Variants in NLRC3 observed in about 807,000 individuals in gnomAD.
The protein encoded by NLRC3 is NLR family CARD domain containing 3, also known as NLR family CARD domain-containing protein 3.
In NLRC3, 87 loss-of-function variants were observed where a neutral mutation model predicts 91.6. The observed-to-expected ratio is 0.95, with a 90% confidence interval of 0.80 to 1.14. The LOEUF (loss-of-function observed/expected upper bound fraction) is 1.14. NLRC3 is among the 50% of genes most tolerant of loss of function. The pLI, the probability that NLRC3 is intolerant of heterozygous loss-of-function variation, is 0.00. For missense variants in NLRC3, 1,577 were observed against 1,418.6 expected (o/e 1.11, Z -1.79); for synonymous variants, 694 against 625.3 (o/e 1.11, Z -1.64).
Position 3,541,869 on chromosome 16 carries a change from CTG to C in NLRC3, c.3152_3153del (p.Ser1051Ter), listed in dbSNP as rs757505708. 42 of 1,612,878 alleles carry C rather than the reference CTG, an allele frequency of 2.6e-5. No homozygotes were observed. Among genetic ancestry groups the C allele is most frequent in the Non-Finnish European group, 3.6e-5 (42 of 1,179,322 alleles). Reference sequence around the variant, plus strand: ...GTGGGAGCATTTGTCTTGATGGCCTCTGAGATCATCCTGGCCCCGGAGTCCCC... The same window carrying C: ...GTGGGAGCATTTGTCTTGATGGCCTCAGATCATCCTGGCCCCGGAGTCCCC... ...HIGDSGARMI[S>X]EAIKTNAPTC... is the part of the protein sequence containing the mutation. On this transcript the variant is annotated frameshift_variant, in exon 20 of 20. Coordinates refer to ENST00000359128, the MANE Select transcript of NLRC3 (RefSeq NM_178844.4). LOFTEE classifies it high-confidence loss of function.
chr16:3,569,869 T>C (rs923239431), intron 1 of NLRC3, among the ~76,000 whole-genome samples: 1 of 152,182 alleles, frequency 6.6e-6, no homozygotes, highest in African/African-American at 2.4e-5. Flanking sequence ...AGTTTTCTTC[T>C]CCGATAGAGA....
chr16:3,557,536 C>T lies in NLRC3; in HGVS notation c.2099+57G>A, dbSNP rs79015694. The T allele has an allele frequency of 6.6e-5, 70 of 1,066,430 alleles. No homozygotes were observed. The African/African-American group carries it at 9.2e-4, about 14-fold the overall frequency. 66.1% of individuals were successfully genotyped at this position (1,066,430 alleles called of 1,614,324 possible). A position where few individuals can be genotyped will look rare whatever the true frequency, so the allele number is the denominator to read the frequency against. ...AGGAGGGAGGGGACTTCACAAGATGCCTCACAACTCTTCTGGTTCCAATGG... is the reference window on the plus strand; with the variant it reads ...AGGAGGGAGGGGACTTCACAAGATGTCTCACAACTCTTCTGGTTCCAATGG... On this transcript the variant is annotated intron_variant, in intron 7 of 19. Coordinates refer to ENST00000359128, the MANE Select transcript of NLRC3 (RefSeq NM_178844.4).
At chr16:3,559,278 G>A in intron 6 of NLRC3, among the ~76,000 whole-genome samples, 1 of 152,208 alleles carries the variant, frequency 6.6e-6, no homozygotes. Context: ...ATAGGGATGT[G>A]GCACTGAGGA....
Position 3,563,863 on chromosome 16 carries a change from C to T in NLRC3, c.1074G>A (p.Arg358=), listed in dbSNP as rs1441656602. 5.6e-6 allele frequency: 9 copies of T among 1,603,918 alleles called. No homozygotes were observed. Among genetic ancestry groups the T allele is most frequent in the Non-Finnish European group, 7.7e-6 (9 of 1,174,962 alleles). The change falls in exon 5 of 20, where the codon AGG becomes AGA. Residue 358 remains arginine (R), a synonymous_variant. Coordinates refer to ENST00000359128, the MANE Select transcript of NLRC3 (RefSeq NM_178844.4). ...ACCATGAGTAGAGCTCGCACAGGGT[C>T]CTCGGGGGCCACAGCTCTGCATCCT... The part of the protein sequence containing the change: ...GPQDAELWPP[R]TLCELYSWYF...
chr16:3,547,612 A>G (rs900711835), intron 15 of NLRC3, among the ~76,000 whole-genome samples: 3 of 152,072 alleles, frequency 2.0e-5, no homozygotes, highest in Non-Finnish European at 4.4e-5. Context: ...ATGTGTATAT[A>G]TGTATATGTG....
chr16:3,543,105 G>C (rs944399619), intron 17 of NLRC3: 1 of 486,562 alleles, frequency 2.1e-6, no homozygotes. Flanking sequence ...GAATTCTGAG[G>C]ACATGCCTGA....
intron 1 of NLRC3, among the ~76,000 whole-genome samples, chr16:3,569,039 C>T (rs1270900865): frequency 6.6e-6 from 1 of 152,046 alleles, no homozygotes; most frequent in Non-Finnish European, 1.5e-5. Context: ...CAAGGCTGGG[C>T]GTGGTGGCTC....
At chr16:3,551,209 C>A (rs767354412) in intron 10 of NLRC3, among the ~76,000 whole-genome samples, 3 of 151,798 alleles carry the variant, frequency 2.0e-5, no homozygotes, top group Non-Finnish European at 4.4e-5. Flanking sequence ...CCCATCCATT[C>A]ATCTATCCAT....
At chr16:3,543,346 CTT>C (rs1287648849) in intron 17 of NLRC3, 77 bp downstream of exon 17, 1 of 1,004,558 alleles carries the variant, frequency 1.0e-6, no homozygotes, top group African/African-American at 1.6e-5. Context: ...TGTCTGTAAA[CTT>C]TGTCCCCATA....
At position 3,563,792 on chromosome 16, in the gene NLRC3, G is replaced by A. The variant is rs1288228144; in HGVS notation, c.1145C>T (p.Ala382Val). Residue 382 changes from alanine (A) to valine (V), a missense_variant, in exon 5 of 20, where the codon GCA (alanine) becomes GTA (valine). By Grantham distance (64) the Ala-to-Val change is moderately conservative. Coordinates refer to ENST00000359128, the MANE Select transcript of NLRC3 (RefSeq NM_178844.4). The stretch of plus-strand genomic sequence containing the variant: ...GGCCACCTGCTCGATGCGAGGGCTT[G>A]CCTTGCCCTTCTCCTGCCCCTCCCC... ...LSGEGQEKGKASPRIEQVAHG... is the reference protein window; with the variant it reads ...LSGEGQEKGKVSPRIEQVAHG... The A allele has an allele frequency of 6.2e-7, 1 of 1,612,094 alleles. No homozygotes were observed. The highest frequency in any genetic ancestry group is 1.1e-5 in the South Asian group (1 of 90,930).
intron 8 of NLRC3, 33 bp from the exon 9 acceptor site, chr16:3,554,358 G>A (rs1006502936): frequency 1.8e-5 from 28 of 1,547,720 alleles, no homozygotes; most frequent in African/African-American, 9.5e-5. Context: ...ATCACTGATG[G>A]AGCAGAAGCT....
chr16:3,549,225 G>C lies in NLRC3; in HGVS notation c.2520C>G (p.Ser840Arg). 7.0e-6 allele frequency: 11 copies of C among 1,575,044 alleles called. No homozygotes were observed. Among genetic ancestry groups the C allele is most frequent in the Non-Finnish European group, 8.6e-6 (10 of 1,159,588 alleles). ...LCTNQTLLSLSLRENSISPEG... is the reference protein window; with the variant it reads ...LCTNQTLLSLRLRENSISPEG... ...CGGGACTGATGGAGTTTTCTCGAAG[G>C]CTGAAAAAAAAGGAAAGACCTGAGC... The change falls in exon 13 of 20, where the codon AGC (serine) becomes AGG (arginine). Residue 840 changes from serine (S) to arginine (R), a missense_variant and splice_region_variant. By Grantham distance (110) the Ser-to-Arg change is moderately radical (BLOSUM62 -1). Transcript: ENST00000359128.
At chr16:3,542,608 T>C (rs2038464815) in intron 18 of NLRC3, 84 bp downstream of exon 18, 5 of 773,268 alleles carry the variant, frequency 6.5e-6, no homozygotes, top group Non-Finnish European at 2.2e-6. Context: ...ACAGAAGAAA[T>C]CAGGAGCATT....
intron 10 of NLRC3, among the ~76,000 whole-genome samples, chr16:3,551,481 A>G (rs1035825770): frequency 6.6e-6 from 1 of 151,050 alleles, no homozygotes; most frequent in Non-Finnish European, 1.5e-5. Flanking sequence ...ATACCCACCC[A>G]TCCATCCATC....
At chr16:3,550,589 G>A (rs2038941225) in intron 10 of NLRC3, 92 bp from the exon 11 acceptor site, 1 of 911,950 alleles carries the variant, frequency 1.1e-6, no homozygotes, top group Non-Finnish European at 1.8e-6. Flanking sequence ...CCTCCTGGGA[G>A]GGCTGGCTCT....
chr16:3,541,982 A>G lies in NLRC3; in HGVS notation c.3108-67T>C, dbSNP rs371812940. The G allele has an allele frequency of 3.3e-4, 321 of 977,280 alleles. 1 individual carries two copies. In the East Asian group the frequency reaches 7.7e-3, roughly 24 times the overall value. The allele number at this position is 977,280 out of a possible 1,614,324, so 60.5% of individuals were successfully genotyped here. A position where few individuals can be genotyped will look rare whatever the true frequency, so the allele number is the denominator to read the frequency against. The stretch of plus-strand genomic sequence containing the variant: ...TCTCTTTAGTAGAGCAGGCCATACA[A>G]TAGAAAATGCAGGACCCCATGCAAA... On this transcript the variant is annotated intron_variant, in intron 19 of 19. Transcript: ENST00000359128.
chr16:3,575,934 C>G (rs150352988), intron 1 of NLRC3, among the ~76,000 whole-genome samples: 1 of 152,176 alleles, frequency 6.6e-6, no homozygotes, highest in Admixed American at 6.5e-5. Context: ...ATTCAGGACT[C>G]GGTTCTCTCG....
At chr16:3,552,921 AGAGC>A (rs1234522095) in intron 9 of NLRC3, among the ~76,000 whole-genome samples, 4 of 152,288 alleles carry the variant, frequency 2.6e-5, no homozygotes, top group African/African-American at 9.6e-5. Context: ...GGCGGGCAAT[AGAGC>A]GAGACTCCGT....
intron 7 of NLRC3, among the ~76,000 whole-genome samples, chr16:3,557,249 A>G (rs2039385960): frequency 6.6e-6 from 1 of 152,132 alleles, no homozygotes; most frequent in African/African-American, 2.4e-5. Flanking sequence ...TGGAGATGAG[A>G]ATGATGGCCC....
Sources: gnomAD v4.1 joint callset for allele counts (sites outside exome capture counted in the v4.1 genomes callset) on GRCh38, gnomAD v4.1.1 for gene constraint, MANE v1.5 for transcripts, NCBI Gene and HGNC (gene_info 2026-07-23, HGNC 2026-07-21) for gene names.